Variants in KDM2B observed in about 807,000 individuals in gnomAD.
KDM2B encodes lysine-specific demethylase 2B.
KDM2B carries 26 observed loss-of-function variants against 150.0 expected under a neutral mutation model. That is an observed-to-expected ratio of 0.17 (90% CI 0.13 to 0.24). KDM2B has a LOEUF of 0.24. Among genes scored for constraint, KDM2B ranks in the 10% least tolerant of loss-of-function variants. The pLI, the probability that KDM2B is intolerant of heterozygous loss-of-function variation, is 1.00. For synonymous variants in KDM2B, 734 were observed against 729.5 expected, an observed-to-expected ratio of 1.01 and a Z score of -0.10; for missense variants, 1,265 against 1,816.9, an observed-to-expected ratio of 0.70 and a Z score of 5.52.
chr12:121,421,371 T>TAAGAAA, the KDM2B span, among the ~76,000 whole-genome samples: 1 of 46,378 alleles, frequency 2.2e-5, no homozygotes, highest in Non-Finnish European at 4.4e-5. Context: ...ATCCCATCTC[T>TAAGAAA]AAAAAAAAAA....
At chr12:121,539,237 G>A (rs896062052) in intron 6 of KDM2B, among the ~76,000 whole-genome samples, 13 of 151,014 alleles carry the variant, frequency 8.6e-5, no homozygotes, top group African/African-American at 2.7e-4. Context: ...GGAGGCTGGG[G>A]TGGGAGGACT....
rs551269451 is a variant in KDM2B, at chr12:121,520,473, G to A, written c.1047+512C>T. Among the ~76,000 whole-genome samples the A allele has an allele frequency of 3.3e-5, 5 of 152,196 alleles. No individual in the cohort carries two copies. In the East Asian group the frequency reaches 9.7e-4, roughly 29 times the overall value. ...AACTAGAGACGTCCTCAGCAGACAT[G>A]GAGACTACCTCAGAGACAGTACCCA... is the stretch of plus-strand genomic sequence containing the variant. On this transcript the variant is annotated intron_variant, in intron 9 of 22. Transcript: ENST00000377071. This position sits in a 1 kb window ranked among gnomAD's most constrained non-coding sequence, Gnocchi z 4.5.
intron 11 of KDM2B, among the ~76,000 whole-genome samples, chr12:121,500,086 C>T (rs1413928687): frequency 6.6e-6 from 1 of 152,124 alleles, no homozygotes; most frequent in East Asian, 1.9e-4. Flanking sequence ...GCGCCCTGGG[C>T]TCTGTCCCTC....
At chr12:121,451,458 G>A (rs1555291636) in intron 13 of KDM2B, among the ~76,000 whole-genome samples, 1 of 151,964 alleles carries the variant, frequency 6.6e-6, no homozygotes, top group East Asian at 2.0e-4. Flanking sequence ...GAGGTCAGAT[G>A]GTGCCCCAAC....
intron 12 of KDM2B, among the ~76,000 whole-genome samples, chr12:121,459,026 T>C (rs1878709748): frequency 7.1e-6 from 1 of 141,818 alleles, no homozygotes; most frequent in African/African-American, 2.7e-5. Context: ...GCAGAGGTTG[T>C]AGTGAGCCAA....
intron 15 of KDM2B, 77 bp downstream of exon 15, chr12:121,444,373 T>G: frequency 6.2e-7 from 1 of 1,604,210 alleles, no homozygotes; most frequent in South Asian, 1.1e-5. Flanking sequence ...CTGAAACTCC[T>G]GGGACAGGCT....
At chr12:121,519,272 C>CA (rs1432587218) in intron 9 of KDM2B, among the ~76,000 whole-genome samples, 4 of 152,310 alleles carry the variant, frequency 2.6e-5, no homozygotes, top group Middle Eastern at 6.8e-3. Context: ...TTGTGCAAAC[C>CA]AAGGCCTGAA....
intron 21 of KDM2B, 162 bp from the exon 22 acceptor site, chr12:121,440,237 C>G: frequency 1.6e-6 from 1 of 608,974 alleles, no homozygotes; most frequent in Non-Finnish European, 2.9e-6. Flanking sequence ...AGTGAAAAAT[C>G]AGACTCCACA....
chr12:121,565,932 A>ATT lies in KDM2B; in HGVS notation c.397+8613_397+8614dup, dbSNP rs78576604. Among the ~76,000 whole-genome samples, 861 of 143,668 alleles carry ATT rather than the reference A, an allele frequency of 6.0e-3. 10 individuals carry two copies. Among genetic ancestry groups the ATT allele is most frequent in the African/African-American group, 0.021 (826 of 39,424 alleles). 94.3% of individuals were successfully genotyped at this position (143,668 alleles called of 152,430 possible). On this transcript the variant is annotated intron_variant, in intron 4 of 22. Transcript: ENST00000377071. ...GTGAGCCACCGTGCCCGGCCCAGGA[A>ATT]TTTTTTTTTTTTTTTAATAATAATA...
At chr12:121,435,396 A>G (rs1022622154) in intron 22 of KDM2B, among the ~76,000 whole-genome samples, 17 of 152,360 alleles carry the variant, frequency 1.1e-4, no homozygotes, top group African/African-American at 4.1e-4. Context: ...CTGAGGGGAA[A>G]GCAGAAAAGA....
At position 121,440,712 on chromosome 12, in the gene KDM2B, C is replaced by G. The variant is rs1874866317; in HGVS notation, c.3610+104G>C. The G allele has an allele frequency of 5.3e-6, 6 of 1,134,286 alleles. No homozygotes were observed. In the South Asian group the frequency reaches 9.0e-5, roughly 17 times the overall value. 70.3% of individuals were successfully genotyped at this position (1,134,286 alleles called of 1,614,324 possible). A position where few individuals can be genotyped will look rare whatever the true frequency, so the allele number is the denominator to read the frequency against. ...TGAGAACATGGCAGCAGAGACTCAT[C>G]CCTATGTCCTTTGGGGAACAGCTGG... On this transcript the variant is annotated intron_variant, in intron 21 of 22. Coordinates refer to ENST00000377071, the MANE Select transcript of KDM2B (RefSeq NM_032590.5).
At chr12:121,510,089 C>T (rs781795018) in intron 10 of KDM2B, 50 bp from the exon 11 acceptor site, 1 of 1,471,116 alleles carries the variant, frequency 6.8e-7, no homozygotes, top group Non-Finnish European at 9.1e-7. Flanking sequence ...TAACTCCCTG[C>T]CAAGGTCTTT....
chr12:121,459,668 T>TA (rs1878825913), intron 12 of KDM2B, among the ~76,000 whole-genome samples: 1 of 152,050 alleles, frequency 6.6e-6, no homozygotes, highest in African/African-American at 2.4e-5. Context: ...CCATCTCTAC[T>TA]AAAAATACAA....
intron 6 of KDM2B, among the ~76,000 whole-genome samples, chr12:121,543,547 C>T (rs782501257): frequency 6.6e-6 from 1 of 151,478 alleles, no homozygotes; most frequent in African/African-American, 2.4e-5. Context: ...AAAGATCAGC[C>T]GGGCCTGGTG....
In KDM2B at chr12:121,467,257, G is replaced by C; in HGVS notation, c.1735-13913C>G. The C allele has an allele frequency of 1.0e-6, 1 of 990,946 alleles. No individual in the cohort carries two copies. Among genetic ancestry groups the C allele is most frequent in the South Asian group, 4.2e-5 (1 of 23,952 alleles). 61.4% of individuals were successfully genotyped at this position (990,946 alleles called of 1,614,324 possible). A position where few individuals can be genotyped will look rare whatever the true frequency, so the allele number is the denominator to read the frequency against. On this transcript the variant is annotated intron_variant, in intron 12 of 22. Transcript: ENST00000377071. The surrounding 1 kb of genome is among the most constrained non-coding windows in gnomAD (Gnocchi z 5.1). ...TCGCGCGCGCTGACATGGCTGGAGC[G>C]GCGCCGCCGCCGCCGCCCGCCCGGA...
chr12:121,436,269 C>G (rs1873956872), intron 22 of KDM2B, among the ~76,000 whole-genome samples: 2 of 152,166 alleles, frequency 1.3e-5, no homozygotes, highest in South Asian at 4.1e-4. Flanking sequence ...CGCCTGTAAT[C>G]CCAGCACTTT....
chr12:121,425,215 G>A (rs1260413200), downstream of KDM2B, among the ~76,000 whole-genome samples: 1 of 151,716 alleles, frequency 6.6e-6, no homozygotes, highest in African/African-American at 2.4e-5. Context: ...GGCTGAGGCA[G>A]GAGAATCGCC....
intron 11 of KDM2B, among the ~76,000 whole-genome samples, chr12:121,495,512 C>T (rs1197307271): frequency 6.6e-6 from 1 of 152,122 alleles, no homozygotes; most frequent in African/African-American, 2.4e-5. Context: ...GTTGCCCAAG[C>T]TTGTCTCAAA....
At chr12:121,570,211 G>A (rs374210920) in intron 4 of KDM2B, among the ~76,000 whole-genome samples, 42 of 152,008 alleles carry the variant, frequency 2.8e-4, no homozygotes, top group East Asian at 2.5e-3. Flanking sequence ...CACCATGACC[G>A]GCTGATTTTT....
Sources: allele counts gnomAD v4.1 joint callset (sites outside exome capture counted in the v4.1 genomes callset), GRCh38; gene constraint gnomAD v4.1.1; non-coding constraint Gnocchi (gnomAD v3.1); transcripts MANE v1.5; gene names NCBI Gene and HGNC (gene_info 2026-07-23, HGNC 2026-07-21).